Variants in DHRSX observed in about 807,000 individuals in gnomAD.
DHRSX encodes polyprenol dehydrogenase.
A neutral mutation model predicts 34.0 loss-of-function variants in DHRSX; 31 were observed. The observed-to-expected ratio is 0.91, with a 90% CI of 0.69 to 1.23. The LOEUF is 1.23. DHRSX is among the 50% of genes most tolerant of loss of function. DHRSX has a pLI of 0.00. For synonymous variants in DHRSX, 201 were observed against 183.8 expected (o/e 1.09, Z -0.76); for missense variants, 414 against 428.1 (o/e 0.97, Z 0.29).
chrX:2,479,022 T>A (rs28679272), intron 1 of DHRSX, among the ~76,000 whole-genome samples: 25,574 of 149,012 alleles, frequency 0.17, 2,972 homozygotes, highest in African/African-American at 0.34. Flanking sequence ...CACACTGAAG[T>A]CATTCCCTAA....
At chrX:2,299,449 C>T (rs2041985482) in intron 3 of DHRSX, among the ~76,000 whole-genome samples, 1 of 152,170 alleles carries the variant, frequency 6.6e-6, no homozygotes, top group South Asian at 2.1e-4. Context: ...CCCTCCAATG[C>T]AGAAAGTGAG....
chrX:2,377,503 G>A (rs781431058), intron 3 of DHRSX, among the ~76,000 whole-genome samples: 3 of 152,018 alleles, frequency 2.0e-5, no homozygotes, highest in East Asian at 1.9e-4. Flanking sequence ...ACCTCAGGCG[G>A]TAATGCGTGC....
At chrX:2,464,667 T>C (rs2044461574) in intron 1 of DHRSX, among the ~76,000 whole-genome samples, 1 of 151,674 alleles carries the variant, frequency 6.6e-6, no homozygotes, top group Admixed American at 6.6e-5. Context: ...ATGTACACAC[T>C]GAAGACGTTC....
intron 3 of DHRSX, among the ~76,000 whole-genome samples, chrX:2,377,974 G>A (rs910309516): frequency 3.2e-4 from 49 of 152,268 alleles, no homozygotes; most frequent in African/African-American, 1.1e-3. Flanking sequence ...TCTTGACCTC[G>A]TGATCCGCCT....
At chrX:2,405,919 A>ACCG (rs1381422833) in intron 3 of DHRSX, among the ~76,000 whole-genome samples, 1 of 78,460 alleles carries the variant, frequency 1.3e-5, no homozygotes, top group Non-Finnish European at 2.5e-5. Context: ...AAAAAAAAAA[A>ACCG]TAAGGTACCA....
At chrX:2,454,839 G>A (rs6641735) in intron 1 of DHRSX, among the ~76,000 whole-genome samples, 16 of 152,144 alleles carry the variant, frequency 1.1e-4, no homozygotes, top group African/African-American at 2.9e-4. Context: ...TTGGTTGGGC[G>A]TGGTGGCTCA....
intron 3 of DHRSX, among the ~76,000 whole-genome samples, chrX:2,303,886 T>G (rs2042053043): frequency 7.1e-6 from 1 of 140,028 alleles, no homozygotes; most frequent in Admixed American, 7.0e-5. Flanking sequence ...GGTGGATGGA[T>G]GGATGGATGG....
intron 3 of DHRSX, among the ~76,000 whole-genome samples, chrX:2,360,350 C>T (rs989185315): frequency 5.9e-5 from 9 of 152,194 alleles, no homozygotes; most frequent in East Asian, 1.9e-4. Flanking sequence ...TTTGGGAGGC[C>T]AAGGTGGGCG....
intron 3 of DHRSX, among the ~76,000 whole-genome samples, chrX:2,353,841 T>C (rs1260170757): frequency 6.6e-6 from 1 of 151,986 alleles, no homozygotes; most frequent in African/African-American, 2.4e-5. Context: ...TGCCTTGGCC[T>C]CCCAAATTGC....
intron 6 of DHRSX, among the ~76,000 whole-genome samples, chrX:2,230,180 T>C (rs192700948): frequency 0.024 from 3,560 of 150,812 alleles, 129 homozygotes; most frequent in African/African-American, 0.081. Flanking sequence ...GGTGCGCGCA[T>C]GTGTTTGCAT....
At chrX:2,490,667 T>C in intron 1 of DHRSX, 1 of 1,613,740 alleles carries the variant, frequency 6.2e-7, no homozygotes, top group Non-Finnish European at 8.5e-7. Flanking sequence ...GGCGCGGGGG[T>C]GGGCCACCAG....
intron 3 of DHRSX, among the ~76,000 whole-genome samples, chrX:2,346,653 T>TTTTGTTG (rs1556483986): frequency 6.6e-5 from 10 of 150,724 alleles, no homozygotes; most frequent in African/African-American, 1.5e-4. Context: ...TGGTTTTTTT[T>TTTTGTTG]TTGTTGTTGT....
chrX:2,383,496 GCCATCATCACTACCA>G (rs2043237742), intron 3 of DHRSX, among the ~76,000 whole-genome samples: 1 of 151,158 alleles, frequency 6.6e-6, no homozygotes, highest in African/African-American at 2.4e-5. Flanking sequence ...CATCATCATT[GCCATCATCACTACCA>G]CCATCATCAC....
intron 2 of DHRSX, among the ~76,000 whole-genome samples, chrX:2,414,642 A>T (rs1042199559): frequency 6.6e-6 from 1 of 151,896 alleles, no homozygotes. Flanking sequence ...CCTCATCATA[A>T]CCTAACCCAA....
At chrX:2,322,776 ATGG>A (rs1348756387) in intron 3 of DHRSX, among the ~76,000 whole-genome samples, 1 of 152,016 alleles carries the variant, frequency 6.6e-6, no homozygotes, top group Non-Finnish European at 1.5e-5. Flanking sequence ...AATCGACTTT[ATGG>A]TATTGATAAG....
chrX:2,490,755 C>T, intron 1 of DHRSX: 1 of 1,592,388 alleles, frequency 6.3e-7, no homozygotes, highest in Non-Finnish European at 8.6e-7. Context: ...TGGACGGCTG[C>T]TCATGCGTGG....
At chrX:2,253,164 G>A (rs1170009162) in intron 5 of DHRSX, among the ~76,000 whole-genome samples, 5 of 152,240 alleles carry the variant, frequency 3.3e-5, no homozygotes, top group Non-Finnish European at 1.5e-5. Flanking sequence ...CGGCCTGGGA[G>A]GCAGATATGG....
intron 1 of DHRSX, among the ~76,000 whole-genome samples, chrX:2,451,293 G>A (rs61651860): frequency 0.069 from 10,393 of 151,052 alleles, 446 homozygotes; most frequent in African/African-American, 0.1. Context: ...AGCCAGGGAT[G>A]CAAGCCCCTT....
chrX:2,492,203 G>A (rs1253234738), intron 1 of DHRSX, among the ~76,000 whole-genome samples: 2 of 152,206 alleles, frequency 1.3e-5, no homozygotes, highest in Non-Finnish European at 2.9e-5. Context: ...CTTTGCAGAT[G>A]TATTAATAAT....
Sources: gnomAD v4.1 joint callset for allele counts (sites outside exome capture counted in the v4.1 genomes callset) on GRCh38, gnomAD v4.1.1 for gene constraint, MANE v1.5 for transcripts, NCBI Gene and HGNC (gene_info 2026-07-23, HGNC 2026-07-21) for gene names.